FXYD1: variants seen among roughly 807,000 people sequenced by gnomAD.
FXYD1 encodes the protein FXYD domain containing ion transport regulator 1.
Under a neutral mutation model 17.2 loss-of-function variants are expected in FXYD1, and 9 were observed. The ratio of observed to expected loss-of-function variants is 0.52; its 90% CI spans 0.32 to 0.91. The LOEUF is 0.91. Among genes scored for constraint, FXYD1 ranks in the 40% least tolerant of loss-of-function variants. The pLI is 0.04. For synonymous variants in FXYD1, 55 were observed against 45.8 expected (o/e 1.20, Z -0.81); for missense variants, 113 against 120.6 (o/e 0.94, Z 0.29).
At chr19:35,141,642 T>A in intron 5 of FXYD1, 70 bp downstream of exon 5, 2 of 1,271,986 alleles carry the variant, frequency 1.6e-6, no homozygotes, top group Non-Finnish European at 2.3e-6. Flanking sequence ...AGGCGGGGAG[T>A]ACCCCTGACC....
intron 2 of FXYD1, 107 bp downstream of exon 2, chr19:35,140,247 C>T: frequency 2.7e-6 from 2 of 748,990 alleles, no homozygotes; most frequent in South Asian, 1.4e-5. Flanking sequence ...GGCTGGGGTA[C>T]CAAGAAGTTT....
At chr19:35,142,290 C>G in intron 5 of FXYD1, 182 bp from the exon 6 acceptor site, 1 of 570,388 alleles carries the variant, frequency 1.8e-6, no homozygotes, top group Non-Finnish European at 3.1e-6. Context: ...CTTAGAAGCC[C>G]CCTGCCAGCA....
At chr19:35,140,679 G>C in intron 3 of FXYD1, 50 bp downstream of exon 3, 1 of 1,529,556 alleles carries the variant, frequency 6.5e-7, no homozygotes. Context: ...TGGCTTTGCT[G>C]GTCCTTTGAT....
intron 6 of FXYD1, 70 bp from the exon 7 acceptor site, chr19:35,142,650 G>A: frequency 1.3e-6 from 2 of 1,561,724 alleles, no homozygotes; most frequent in East Asian, 2.2e-5. Context: ...TTGCCCCGCC[G>A]CGGGCCCCAC....
upstream of FXYD1, chr19:35,138,814 CA>C (rs1383991313): frequency 1.3e-5 from 2 of 152,420 alleles, no homozygotes; most frequent in South Asian, 2.1e-4. Context: ...AGCTCTGGGC[CA>C]GGGGGTCCAA....
chr19:35,140,562 G>A (rs2065241955), intron 2 of FXYD1, 35 bp from the exon 3 acceptor site: 2 of 1,607,332 alleles, frequency 1.2e-6, no homozygotes, highest in Non-Finnish European at 1.7e-6. Flanking sequence ...AGGACCCCAG[G>A]AAGCATTCAA....
upstream of FXYD1, chr19:35,137,657 C>T (rs1048822648): frequency 6.6e-5 from 10 of 152,534 alleles, no homozygotes; most frequent in Admixed American, 3.3e-4. Context: ...GACAGAGTCT[C>T]GCTCTGTTGC....
intron 6 of FXYD1, 78 bp downstream of exon 6, chr19:35,142,599 C>A: frequency 1.2e-5 from 18 of 1,538,646 alleles, no homozygotes; most frequent in Non-Finnish European, 1.4e-5. Context: ...TCCCTGGCTG[C>A]GTAGAGGGAA....
Position 35,141,213 on chromosome 19 carries a change from G to T in FXYD1, c.169+7G>T. 6.3e-7 allele frequency: 1 copy of T among 1,577,880 alleles called. No homozygotes were observed. The highest frequency in any genetic ancestry group is 8.7e-7 in the Non-Finnish European group (1 of 1,150,010). ...GGCATCCTCATCGTGCTGAGTGAGT[G>T]CCCCTAGCTCCCGCCCTCTACCCCG... is the stretch of plus-strand genomic sequence containing the variant. On this transcript the variant is annotated splice_region_variant and intron_variant, in intron 4 of 7. Coordinates refer to ENST00000351325, the MANE Select transcript of FXYD1 (RefSeq NM_021902.4).
At chr19:35,141,388 C>A in intron 4 of FXYD1, 148 bp from the exon 5 acceptor site, 1 of 717,840 alleles carries the variant, frequency 1.4e-6, no homozygotes, top group East Asian at 2.7e-5. Context: ...CCCGCCTACC[C>A]TGCCTTGGTT....
At chr19:35,141,481 G>A in intron 4 of FXYD1, 55 bp from the exon 5 acceptor site, 1 of 1,505,548 alleles carries the variant, frequency 6.6e-7, no homozygotes, top group Non-Finnish European at 9.1e-7. Flanking sequence ...CTACAGCGCC[G>A]CTTGGCGCCC....
chr19:35,142,380 A>C (rs2145389172), intron 5 of FXYD1, 92 bp from the exon 6 acceptor site: 2 of 975,104 alleles, frequency 2.1e-6, no homozygotes, highest in African/African-American at 1.6e-5. Flanking sequence ...TAGTTACACC[A>C]ATCTGGGAAA....
At chr19:35,142,631 G>C (rs1401066578) in intron 6 of FXYD1, 89 bp from the exon 7 acceptor site, 8 of 1,543,642 alleles carry the variant, frequency 5.2e-6, no homozygotes. Flanking sequence ...GAAAGCGGAG[G>C]GCGGGGAGTT....
At position 35,140,655 on chromosome 19, in the gene FXYD1, C is replaced by T; in HGVS notation, c.94+26C>T. On this transcript the variant is annotated intron_variant, in intron 3 of 7. Transcript: ENST00000351325. Reference sequence around the variant, plus strand: ...GTGAGCGGGGGGTCTAATTTTGAGTCCTGGGGGAGAGCCTGGCTTTGCTGG... The same window carrying T: ...GTGAGCGGGGGGTCTAATTTTGAGTTCTGGGGGAGAGCCTGGCTTTGCTGG... 3 of 1,607,480 alleles carry T rather than the reference C, an allele frequency of 1.9e-6. No homozygotes were observed. In the South Asian group the frequency reaches 3.3e-5, roughly 18 times the overall value.
At chr19:35,142,816 G>A in intron 7 of FXYD1, 45 bp downstream of exon 7, 1 of 1,478,556 alleles carries the variant, frequency 6.8e-7, no homozygotes. Context: ...GAGGGAGGAA[G>A]GAAAGGCGGG....
chr19:35,139,917 A>T, intron 1 of FXYD1, 159 bp from the exon 2 acceptor site: 1 of 627,084 alleles, frequency 1.6e-6, no homozygotes, highest in East Asian at 2.8e-5. Flanking sequence ...GTCCCCACGA[A>T]GCTGGGGATA....
At chr19:35,141,490 C>A in intron 4 of FXYD1, 46 bp from the exon 5 acceptor site, 1 of 1,559,544 alleles carries the variant, frequency 6.4e-7, no homozygotes, top group African/African-American at 1.4e-5. Flanking sequence ...CGCTTGGCGC[C>A]CGCCGGGAGG....
chr19:35,142,442 C>T, intron 5 of FXYD1, 30 bp from the exon 6 acceptor site: 6 of 1,579,716 alleles, frequency 3.8e-6, no homozygotes, highest in Non-Finnish European at 5.2e-6. Context: ...CCCTTTCCAT[C>T]CCGAAATCCC....
At chr19:35,141,787 G>A (rs1446083749) in intron 5 of FXYD1, among the ~76,000 whole-genome samples, 28 of 152,252 alleles carry the variant, frequency 1.8e-4, no homozygotes, top group Admixed American at 1.8e-3. Flanking sequence ...GGAGGCGGTG[G>A]CCGTGGGTTC....
Sources: allele counts gnomAD v4.1 joint callset (sites outside exome capture counted in the v4.1 genomes callset), GRCh38; gene constraint gnomAD v4.1.1; transcripts MANE v1.5; gene names NCBI Gene and HGNC (gene_info 2026-07-23, HGNC 2026-07-21).